Variants in MDGA2 observed in about 807,000 individuals in gnomAD.
MDGA2 encodes the protein MAM domain-containing glycosylphosphatidylinositol anchor protein 2.
Under a neutral mutation model 117.8 loss-of-function variants are expected in MDGA2, and 40 were observed. That is an observed-to-expected ratio of 0.34 (90% CI 0.26 to 0.44). The LOEUF (loss-of-function observed/expected upper bound fraction) is 0.44. Ranked by LOEUF, MDGA2 falls within the 20% of genes least tolerant of loss-of-function variation. The pLI, the probability that MDGA2 is intolerant of heterozygous loss-of-function variation, is 1.00. For synonymous variants in MDGA2, 452 were observed against 439.0 expected, an observed-to-expected ratio of 1.03 and a Z score of -0.37; for missense variants, 1,123 against 1,250.6, an observed-to-expected ratio of 0.90 and a Z score of 1.54.
At chr14:47,115,741 C>CA (rs1355303661) in intron 5 of MDGA2, among the ~76,000 whole-genome samples, 1 of 152,048 alleles carries the variant, frequency 6.6e-6, no homozygotes, top group Non-Finnish European at 1.5e-5. Flanking sequence ...AGCACCCTTT[C>CA]ATGATAACAC....
chr14:47,332,153 ACT>A (rs1472397133), intron 1 of MDGA2, among the ~76,000 whole-genome samples: 1 of 151,946 alleles, frequency 6.6e-6, no homozygotes, highest in Non-Finnish European at 1.5e-5. Context: ...AACTTCTTTA[ACT>A]CTCTGTGTAA....
chr14:46,964,847 C>A (rs1885952576), intron 8 of MDGA2, among the ~76,000 whole-genome samples: 1 of 150,652 alleles, frequency 6.6e-6, no homozygotes, highest in African/African-American at 2.4e-5. Context: ...GGAGAAATTT[C>A]CTTTTAAGTG....
At chr14:47,030,093 T>G (rs1888608480) in intron 8 of MDGA2, among the ~76,000 whole-genome samples, 1 of 152,126 alleles carries the variant, frequency 6.6e-6, no homozygotes, top group African/African-American at 2.4e-5. Flanking sequence ...CCCAGAGCGC[T>G]GGGATTACAG....
intron 5 of MDGA2, among the ~76,000 whole-genome samples, chr14:47,106,626 C>T (rs1880700405): frequency 6.6e-6 from 1 of 152,112 alleles, no homozygotes; most frequent in Admixed American, 6.5e-5. Context: ...CTGACTCCTT[C>T]CCAGATCTTC....
intron 2 of MDGA2, among the ~76,000 whole-genome samples, chr14:47,252,732 C>G (rs1352024843): frequency 6.6e-6 from 1 of 151,876 alleles, no homozygotes; most frequent in African/African-American, 2.4e-5. Flanking sequence ...CAAGAACTGG[C>G]AAAGGAGTGA....
chr14:47,327,878 G>T (rs896281995), intron 1 of MDGA2, among the ~76,000 whole-genome samples: 8 of 152,244 alleles, frequency 5.3e-5, no homozygotes, highest in Middle Eastern at 3.4e-3. Flanking sequence ...AATACCAAGA[G>T]TTCACATATT....
intron 1 of MDGA2, among the ~76,000 whole-genome samples, chr14:47,425,742 T>G (rs1892674336): frequency 6.6e-6 from 1 of 152,130 alleles, no homozygotes; most frequent in Admixed American, 6.6e-5. Context: ...AATATATATG[T>G]GTGTATATTT....
At chr14:47,622,824 T>C (rs893448853) in intron 1 of MDGA2, among the ~76,000 whole-genome samples, 1 of 152,064 alleles carries the variant, frequency 6.6e-6, no homozygotes, top group Non-Finnish European at 1.5e-5. Flanking sequence ...AGTAGATAGG[T>C]GGCTTGTTCC....
At chr14:47,048,761 A>G (rs1889352124) in intron 7 of MDGA2, among the ~76,000 whole-genome samples, 1 of 152,130 alleles carries the variant, frequency 6.6e-6, no homozygotes, top group Non-Finnish European at 1.5e-5. Flanking sequence ...ATGAGGTTTA[A>G]TTAACAGATC....
intron 1 of MDGA2, among the ~76,000 whole-genome samples, chr14:47,486,898 T>C (rs1244318338): frequency 1.3e-5 from 2 of 152,204 alleles, no homozygotes; most frequent in Admixed American, 6.5e-5. Context: ...GTCTCAGATA[T>C]GTCTTTAGCA....
intron 3 of MDGA2, among the ~76,000 whole-genome samples, chr14:47,180,794 G>A (rs773087759): frequency 3.3e-5 from 5 of 152,030 alleles, no homozygotes; most frequent in Non-Finnish European, 7.4e-5. Flanking sequence ...GATGGCACGC[G>A]CCTGTAGTCC....
intron 3 of MDGA2, among the ~76,000 whole-genome samples, chr14:47,153,292 G>A (rs569812298): frequency 6.6e-6 from 1 of 152,220 alleles, no homozygotes; most frequent in Admixed American, 6.5e-5. Context: ...GGTGACAATG[G>A]GCATGGAGAG....
At chr14:47,169,413 T>C (rs974342162) in intron 3 of MDGA2, among the ~76,000 whole-genome samples, 1 of 151,826 alleles carries the variant, frequency 6.6e-6, no homozygotes, top group Non-Finnish European at 1.5e-5. Context: ...TTGAATTAAG[T>C]TGTATGCATG....
At chr14:47,140,937 G>A (rs1383911756) in intron 4 of MDGA2, among the ~76,000 whole-genome samples, 2 of 151,818 alleles carry the variant, frequency 1.3e-5, no homozygotes, top group African/African-American at 2.4e-5. Flanking sequence ...AAAATACACA[G>A]AACTCAACTC....
chr14:47,398,469 G>A (rs1892063705), intron 1 of MDGA2, among the ~76,000 whole-genome samples: 1 of 152,004 alleles, frequency 6.6e-6, no homozygotes, highest in Admixed American at 6.6e-5. Context: ...ACTATTTTTT[G>A]GAGAGGTTGT....
intron 3 of MDGA2, among the ~76,000 whole-genome samples, chr14:47,181,694 T>C (rs1427903368): frequency 6.6e-6 from 1 of 152,202 alleles, no homozygotes; most frequent in East Asian, 1.9e-4. Flanking sequence ...TTATTTTTTT[T>C]CCTACTAAAT....
chr14:47,115,828 T>C (rs1049591957), intron 5 of MDGA2, among the ~76,000 whole-genome samples: 1 of 151,992 alleles, frequency 6.6e-6, no homozygotes, highest in Non-Finnish European at 1.5e-5. Context: ...GATAATAACA[T>C]ATTCAGTGTG....
intron 3 of MDGA2, among the ~76,000 whole-genome samples, chr14:47,182,098 G>T (rs1199255204): frequency 3.9e-5 from 6 of 152,084 alleles, no homozygotes; most frequent in African/African-American, 1.2e-4. Flanking sequence ...TTCCAAGTAT[G>T]TGTGGGAGAA....
intron 1 of MDGA2, among the ~76,000 whole-genome samples, chr14:47,411,579 T>C (rs1892373362): frequency 6.6e-6 from 1 of 152,096 alleles, no homozygotes; most frequent in African/African-American, 2.4e-5. Flanking sequence ...AACAAAAAAC[T>C]ACAACTATAA....
Sources: allele counts gnomAD v4.1 joint callset (sites outside exome capture counted in the v4.1 genomes callset), GRCh38; gene constraint gnomAD v4.1.1; transcripts MANE v1.5; gene names NCBI Gene and HGNC (gene_info 2026-07-23, HGNC 2026-07-21).